CTDSPL2: variants seen among roughly 807,000 people sequenced by gnomAD.
CTDSPL2 encodes the protein CTD small phosphatase-like protein 2.
CTDSPL2 carries 5 observed loss-of-function variants against 60.0 expected under a neutral mutation model. That is an observed-to-expected ratio of 0.08 (90% CI 0.04 to 0.18). The LOEUF (loss-of-function observed/expected upper bound fraction) is 0.18, where lower values mean the gene tolerates loss of function less well. Ranked by LOEUF, CTDSPL2 falls within the 10% of genes least tolerant of loss-of-function variation. The pLI, the probability that CTDSPL2 is intolerant of heterozygous loss-of-function variation, is 1.00. For missense variants in CTDSPL2, 370 were observed against 548.8 expected, an observed-to-expected ratio of 0.67 and a Z score of 3.26; for synonymous variants, 186 against 189.3, an observed-to-expected ratio of 0.98 and a Z score of 0.14.
chr15:44,472,876 G>T (rs189202313), intron 2 of CTDSPL2, among the ~76,000 whole-genome samples: 154 of 152,336 alleles, frequency 1.0e-3, no homozygotes, highest in African/African-American at 3.7e-3. Context: ...GCCCAGGCCG[G>T]TTTTGAATTC....
chr15:44,473,681 A>G (rs966106465), intron 2 of CTDSPL2, among the ~76,000 whole-genome samples: 2 of 152,234 alleles, frequency 1.3e-5, no homozygotes, highest in Admixed American at 6.6e-5. Flanking sequence ...TGAGGTAAGA[A>G]GTCATCTTCA....
chr15:44,432,402 C>G (rs138623932), intron 1 of CTDSPL2, among the ~76,000 whole-genome samples: 4,550 of 151,936 alleles, frequency 0.03, 247 homozygotes, highest in African/African-American at 0.1. Flanking sequence ...TCAATGCAAC[C>G]TCCGCCTCCC....
Position 44,499,526 on chromosome 15 carries a change from C to T in CTDSPL2, c.883-201C>T, listed in dbSNP as rs2140831458. On this transcript the variant is annotated intron_variant, in intron 7 of 12. Coordinates refer to ENST00000260327, the MANE Select transcript of CTDSPL2 (RefSeq NM_016396.3). ...TCTCAAATGATGTTTATTCTGCTTG[C>T]TAGTCCAGGAGCTATACCTGAGAAC... Among the ~76,000 whole-genome samples, 2 of 152,274 alleles carry T rather than the reference C, an allele frequency of 1.3e-5. 1 individual carries two copies. Among genetic ancestry groups the T allele is most frequent in the South Asian group, 4.1e-4 (2 of 4,826 alleles).
intron 8 of CTDSPL2, among the ~76,000 whole-genome samples, chr15:44,512,686 G>A (rs911875689): frequency 2.0e-5 from 3 of 152,196 alleles, no homozygotes; most frequent in African/African-American, 4.8e-5. Flanking sequence ...AACAACTATC[G>A]TTAAATTTTT....
intron 1 of CTDSPL2, among the ~76,000 whole-genome samples, chr15:44,441,809 C>T (rs538696492): frequency 7.9e-5 from 12 of 152,168 alleles, no homozygotes; most frequent in Admixed American, 1.3e-4. Context: ...CTAGGCAGAA[C>T]CCAGTTAATT....
intron 2 of CTDSPL2, among the ~76,000 whole-genome samples, chr15:44,469,175 G>C (rs1291561680): frequency 2.0e-5 from 3 of 152,166 alleles, no homozygotes; most frequent in Admixed American, 6.5e-5. Context: ...GTTTGGCACT[G>C]TCTGTGGTTT....
intron 3 of CTDSPL2, among the ~76,000 whole-genome samples, chr15:44,485,527 A>G (rs1160352022): frequency 2.0e-5 from 3 of 152,162 alleles, no homozygotes; most frequent in Admixed American, 2.0e-4. Context: ...TGTAAAGTTC[A>G]CAGTAGGGTT....
intron 5 of CTDSPL2, among the ~76,000 whole-genome samples, chr15:44,492,703 A>G (rs1277319852): frequency 6.6e-6 from 1 of 152,264 alleles, no homozygotes; most frequent in African/African-American, 2.4e-5. Flanking sequence ...AAAGTCATCA[A>G]GTGAAAGATT....
intron 8 of CTDSPL2, among the ~76,000 whole-genome samples, chr15:44,504,223 G>T (rs1328388961): frequency 1.3e-5 from 2 of 151,444 alleles, no homozygotes; most frequent in South Asian, 2.1e-4. Context: ...GGTGGCAGGT[G>T]CCTGTAATCC....
chr15:44,433,517 C>G (rs1031932180), intron 1 of CTDSPL2, among the ~76,000 whole-genome samples: 2 of 151,742 alleles, frequency 1.3e-5, no homozygotes, highest in African/African-American at 4.8e-5. Flanking sequence ...GACTCTCACT[C>G]TGTTGCCCGG....
At chr15:44,490,664 C>G (rs1235101545) in intron 4 of CTDSPL2, 120 bp from the exon 5 acceptor site, 1 of 714,064 alleles carries the variant, frequency 1.4e-6, no homozygotes, top group African/African-American at 1.8e-5. Flanking sequence ...GCAATATACT[C>G]AGCTTTGTTC....
At chr15:44,501,314 T>C (rs2081378076) in intron 8 of CTDSPL2, among the ~76,000 whole-genome samples, 1 of 152,136 alleles carries the variant, frequency 6.6e-6, no homozygotes, top group Non-Finnish European at 1.5e-5. Context: ...GGTTTGAAAT[T>C]GAAATTTATT....
At position 44,447,891 on chromosome 15, in the gene CTDSPL2, C is replaced by T. The variant is rs191187923; in HGVS notation, c.-24-11100C>T. The T allele has an allele frequency of 3.2e-5, 5 of 155,552 alleles. No individual in the cohort carries two copies. The East Asian group carries it at 7.7e-4, about 24-fold the overall frequency. The allele number at this position is 155,552 out of a possible 1,614,324, so 9.6% of individuals were successfully genotyped here. Reference sequence around the variant, plus strand: ...GTGGGCGCAGTCAAAGCTGACATGGCCACCACCATCCATGGCTAGGCCCAT... The same window carrying T: ...GTGGGCGCAGTCAAAGCTGACATGGTCACCACCATCCATGGCTAGGCCCAT... On this transcript the variant is annotated intron_variant, in intron 1 of 12. Transcript: ENST00000260327.
chr15:44,427,770 T>C lies in CTDSPL2; in HGVS notation c.-27T>C, dbSNP rs1037618641. ...GAGGACACTTCTCTGTCGTCACAGT[T>C]AGGTAATCCCCTTCGTCCAGACGCC... is the stretch of plus-strand genomic sequence containing the variant. On this transcript the variant is annotated splice_region_variant and 5_prime_UTR_variant, in exon 1 of 13. Coordinates refer to ENST00000260327, the MANE Select transcript of CTDSPL2 (RefSeq NM_016396.3). The C allele has an allele frequency of 2.5e-6, 1 of 399,226 alleles. No homozygotes were observed. Among genetic ancestry groups the C allele is most frequent in the Middle Eastern group, 6.2e-4 (1 of 1,616 alleles). 24.7% of individuals were successfully genotyped at this position (399,226 alleles called of 1,614,324 possible). A position where few individuals can be genotyped will look rare whatever the true frequency, so the allele number is the denominator to read the frequency against.
chr15:44,520,867 T>C (rs753089707), intron 11 of CTDSPL2: 4 of 152,274 alleles, frequency 2.6e-5, no homozygotes, highest in Non-Finnish European at 4.4e-5. Flanking sequence ...TCGATGGGAA[T>C]AGAATAATGA....
chr15:44,456,569 T>C (rs1035395476), intron 1 of CTDSPL2, among the ~76,000 whole-genome samples: 2 of 152,236 alleles, frequency 1.3e-5, no homozygotes, highest in Admixed American at 6.5e-5. Context: ...TAGTTTGTAT[T>C]TCTGTGGAAT....
At chr15:44,473,135 A>G (rs959734783) in intron 2 of CTDSPL2, among the ~76,000 whole-genome samples, 7 of 151,932 alleles carry the variant, frequency 4.6e-5, no homozygotes, top group Non-Finnish European at 1.0e-4. Flanking sequence ...GTCCCTTTTC[A>G]GAGATATGCA....
chr15:44,470,126 G>A (rs970788127), intron 2 of CTDSPL2, among the ~76,000 whole-genome samples: 12 of 149,430 alleles, frequency 8.0e-5, no homozygotes, highest in South Asian at 4.2e-4. Flanking sequence ...AAAAAATGGC[G>A]ACTGCATAGT....
chr15:44,439,286 C>T (rs1205807643), intron 1 of CTDSPL2, among the ~76,000 whole-genome samples: 1 of 151,846 alleles, frequency 6.6e-6, no homozygotes, highest in Non-Finnish European at 1.5e-5. Flanking sequence ...GTAGCTGGGA[C>T]TACAGGCACC....
Sources: gnomAD v4.1 joint callset for allele counts (sites outside exome capture counted in the v4.1 genomes callset) on GRCh38, gnomAD v4.1.1 for gene constraint, MANE v1.5 for transcripts, NCBI Gene and HGNC (gene_info 2026-07-23, HGNC 2026-07-21) for gene names.